The following DOP1A variants were observed in gnomAD, a reference collection of about 807,000 sequenced individuals.
DOP1A encodes the protein DOP1 leucine zipper like protein A.
A neutral mutation model predicts 267.6 loss-of-function variants in DOP1A; 90 were observed. That is an observed-to-expected ratio of 0.34 (90% confidence interval 0.28 to 0.40). The LOEUF is 0.40. Among genes scored for constraint, DOP1A ranks in the 10% least tolerant of loss-of-function variants. The pLI is 1.00. For missense variants in DOP1A, 2,437 were observed against 2,900.4 expected (o/e 0.84, Z 3.67); for synonymous variants, 932 against 999.1 (o/e 0.93, Z 1.27).
At chr6:83,136,597 G>C (rs1302996114) in intron 20 of DOP1A, among the ~76,000 whole-genome samples, 1 of 152,090 alleles carries the variant, frequency 6.6e-6, no homozygotes, top group Non-Finnish European at 1.5e-5. Context: ...AAACCAAACT[G>C]TCATAGTCCT....
intron 1 of DOP1A, among the ~76,000 whole-genome samples, chr6:83,070,687 T>C (rs1195014332): frequency 6.6e-6 from 1 of 151,038 alleles, no homozygotes; most frequent in East Asian, 2.0e-4. Context: ...TTACCTCATT[T>C]TGAATTAATT....
intron 1 of DOP1A, among the ~76,000 whole-genome samples, chr6:83,069,552 AT>A (rs1172794573): frequency 2.0e-5 from 3 of 152,130 alleles, no homozygotes; most frequent in East Asian, 3.8e-4. Flanking sequence ...CATTAGGCTT[AT>A]TTTTTGGCTG....
intron 24 of DOP1A, among the ~76,000 whole-genome samples, 162 bp downstream of exon 24, chr6:83,142,208 T>G (rs1779760750): frequency 6.6e-6 from 1 of 152,146 alleles, no homozygotes; most frequent in Non-Finnish European, 1.5e-5. Context: ...CTTTAAGTAT[T>G]GATTAAAATT....
At chr6:83,089,649 C>T (rs965510866) in intron 1 of DOP1A, among the ~76,000 whole-genome samples, 1 of 152,116 alleles carries the variant, frequency 6.6e-6, no homozygotes, top group Non-Finnish European at 1.5e-5. Flanking sequence ...TCACTTTAAA[C>T]AAGCTAGAAT....
In DOP1A at chr6:83,138,384, C is replaced by T; in HGVS notation, c.4342C>T (p.Arg1448Trp). Reference sequence around the variant, plus strand: ...TCCAGTGGACTCAAATCATAACTTCCGGAGTTCTATGTACATAGAAATTCT... The same window carrying T: ...TCCAGTGGACTCAAATCATAACTTCTGGAGTTCTATGTACATAGAAATTCT... ...HIPVDSNHNF[R>W]SSMYIEILIS... The change falls in exon 21 of 39, where the codon CGG (arginine) becomes TGG (tryptophan). Residue 1448 changes from arginine to tryptophan, a missense_variant. Physicochemically the swap from Arg to Trp is moderately radical, Grantham distance 101. This residue lies in a region of DOP1A where 878 missense variants were observed against 992.9 expected (regional missense o/e 0.88). Transcript: ENST00000349129. 3 of 1,610,732 alleles carry T rather than the reference C, an allele frequency of 1.9e-6. No homozygotes were observed. Among genetic ancestry groups the T allele is most frequent in the Non-Finnish European group, 2.5e-6 (3 of 1,179,858 alleles).
At chr6:83,115,209 G>A (rs944996298) in intron 7 of DOP1A, among the ~76,000 whole-genome samples, 3 of 152,010 alleles carry the variant, frequency 2.0e-5, no homozygotes, top group Non-Finnish European at 4.4e-5. Context: ...TTTCATATTA[G>A]AAATAGATGG....
intron 18 of DOP1A, 44 bp downstream of exon 18, chr6:83,132,372 C>T (rs774943683): frequency 1.3e-6 from 2 of 1,513,086 alleles, no homozygotes; most frequent in Non-Finnish European, 8.9e-7. Context: ...CCGCCACACA[C>T]ACACACACAC....
At chr6:83,106,118 G>A (rs1056613167) in intron 4 of DOP1A, among the ~76,000 whole-genome samples, 1 of 151,972 alleles carries the variant, frequency 6.6e-6, no homozygotes, top group Non-Finnish European at 1.5e-5. Flanking sequence ...AAGGTTTATG[G>A]TTTAACATAA....
rs201081308 is a variant in DOP1A at position 83,152,001 on chromosome 6, G to A, written c.6023G>A (p.Gly2008Glu). The change falls in exon 29 of 39, where the codon GGA (glycine) becomes GAA (glutamate). Residue 2008 changes from glycine (G) to glutamate (E), a missense_variant. By Grantham distance (98) the Gly-to-Glu change is moderately conservative. Around this residue, in one of 9 missense-constraint regions of DOP1A, gnomAD observed 216 missense variants for 283.3 expected, o/e 0.76. Coordinates refer to ENST00000349129, the MANE Select transcript of DOP1A (RefSeq NM_015018.4). ...VKPSPKIMVD[G>E]TNLESDVEDM... is the part of the protein sequence containing the mutation. ...CCTTCTCCCAAAATAATGGTAGATG[G>A]AACCAATTTGGAATCTGATGTTGAA... 9.9e-6 allele frequency: 16 copies of A among 1,613,852 alleles called. No individual in the cohort carries two copies. The East Asian group carries it at 3.3e-4, about 34-fold the overall frequency.
At position 83,137,444 on chromosome 6, in the gene DOP1A, A is replaced by G. The variant is rs1779028606; in HGVS notation, c.3402A>G (p.Gln1134=). 8 of 1,613,696 alleles carry G rather than the reference A, an allele frequency of 5.0e-6. No homozygotes were observed. The highest frequency in any genetic ancestry group is 6.8e-6 in the Non-Finnish European group (8 of 1,179,864). ...YEVDPETVNA[Q]EDSQMPKESS... ...TTGATCCTGAAACCGTGAATGCCCA[A>G]GAGGATTCTCAAATGCCCAAGGAAA... is the stretch of plus-strand genomic sequence containing the variant. Residue 1134 remains glutamine, a synonymous_variant, in exon 21 of 39, where the codon CAA becomes CAG. Coordinates refer to ENST00000349129, the MANE Select transcript of DOP1A (RefSeq NM_015018.4).
intron 1 of DOP1A, chr6:83,072,929 C>G (rs978835386): frequency 3.0e-6 from 1 of 332,568 alleles, no homozygotes; most frequent in African/African-American, 2.2e-5. Flanking sequence ...TAAAAATTTC[C>G]TGGAGAGGTT....
intron 38 of DOP1A, chr6:83,166,919 C>G: frequency 2.0e-6 from 2 of 988,228 alleles, no homozygotes; most frequent in Non-Finnish European, 2.4e-6. Context: ...TTCCTTCTGT[C>G]TAGTTCATTG....
chr6:83,092,404 A>G (rs1770595004), intron 1 of DOP1A, among the ~76,000 whole-genome samples: 1 of 152,170 alleles, frequency 6.6e-6, no homozygotes, highest in African/African-American at 2.4e-5. Flanking sequence ...CCTTATATAA[A>G]ACAAAAATTA....
rs140222666 is a variant in DOP1A, at chr6:83,093,134, C to T, written c.-146-3597C>T. On this transcript the variant is annotated intron_variant, in intron 1 of 38. Coordinates refer to ENST00000349129, the MANE Select transcript of DOP1A (RefSeq NM_015018.4). ...AAAATAAACTATCTTATTTTGTTCT[C>T]TACTCTCACTGTCCCAATTGGGAAT... Among the ~76,000 whole-genome samples the T allele has an allele frequency of 3.8e-3, 581 of 152,314 alleles. 2 individuals carry two copies. The highest frequency in any genetic ancestry group is 0.013 in the African/African-American group (561 of 41,572).
intron 19 of DOP1A, among the ~76,000 whole-genome samples, chr6:83,135,073 T>G (rs1021240292): frequency 1.3e-5 from 2 of 152,324 alleles, no homozygotes; most frequent in Non-Finnish European, 2.9e-5. Context: ...CCATCTTTCC[T>G]AATTTTACAA....
At chr6:83,099,715 CATAT>C (rs67469209) in intron 3 of DOP1A, among the ~76,000 whole-genome samples, 6,034 of 146,898 alleles carry the variant, frequency 0.041, 316 homozygotes, top group African/African-American at 0.12. Flanking sequence ...TGTGTATATA[CATAT>C]ATATATATAT....
At chr6:83,143,058 A>G (rs1321963684) in intron 24 of DOP1A, among the ~76,000 whole-genome samples, 1 of 152,204 alleles carries the variant, frequency 6.6e-6, no homozygotes, top group African/African-American at 2.4e-5. Flanking sequence ...TCAGTAGTAG[A>G]TATCACTCAC....
chr6:83,072,339 G>T (rs994970749), intron 1 of DOP1A, among the ~76,000 whole-genome samples: 3 of 152,044 alleles, frequency 2.0e-5, no homozygotes, highest in Admixed American at 6.5e-5. Flanking sequence ...CCTGAGTGGT[G>T]ATAAGTTTAT....
intron 12 of DOP1A, among the ~76,000 whole-genome samples, chr6:83,123,655 C>T (rs1776693205): frequency 1.3e-5 from 2 of 152,070 alleles, no homozygotes; most frequent in South Asian, 2.1e-4. Context: ...AAGTTCCTAG[C>T]TTATTCAGCA....
Sources: allele counts gnomAD v4.1 joint callset (sites outside exome capture counted in the v4.1 genomes callset), GRCh38; gene constraint gnomAD v4.1.1; regional missense constraint gnomAD v4.1.1; transcripts MANE v1.5; gene names NCBI Gene and HGNC (gene_info 2026-07-23, HGNC 2026-07-21).